USH2A: variants seen among roughly 807,000 people sequenced by gnomAD.
The protein encoded by USH2A is usherin, also known as Usher syndrome 2A (autosomal recessive, mild).
In USH2A, 443 loss-of-function variants were observed where a neutral mutation model predicts 538.9. That is an observed-to-expected ratio of 0.82 (90% CI 0.76 to 0.89). The LOEUF (loss-of-function observed/expected upper bound fraction) is 0.89. Among genes scored for constraint, USH2A ranks in the 40% least tolerant of loss-of-function variants. The pLI is 0.00. For synonymous variants in USH2A, 2,413 were observed against 2,273.5 expected (o/e 1.06, Z -1.75); for missense variants, 6,633 against 6,324.8 (o/e 1.05, Z -1.65).
At chr1:215,647,436 A>T (rs750986258) in intron 67 of USH2A, 86 bp downstream of exon 67, 1 of 1,539,324 alleles carries the variant, frequency 6.5e-7, no homozygotes, top group Non-Finnish European at 8.9e-7. Context: ...TCTGTTTTTA[A>T]AAGTGGCTTC....
intron 41 of USH2A, among the ~76,000 whole-genome samples, chr1:215,884,083 C>T (rs576299560): frequency 3.3e-5 from 5 of 151,958 alleles, no homozygotes; most frequent in Non-Finnish European, 5.9e-5. Flanking sequence ...TGGAGGGTAA[C>T]GGGAGGGAGA....
intron 37 of USH2A, among the ~76,000 whole-genome samples, chr1:215,957,156 TAGAAAC>T (rs1384524279): frequency 6.6e-6 from 1 of 152,166 alleles, no homozygotes; most frequent in South Asian, 2.1e-4. Context: ...TCCAAACAAA[TAGAAAC>T]AGAGTAATTT....
At chr1:215,667,176 C>A (rs1279664606) in intron 64 of USH2A, among the ~76,000 whole-genome samples, 1 of 152,136 alleles carries the variant, frequency 6.6e-6, no homozygotes, top group Non-Finnish European at 1.5e-5. Flanking sequence ...AGGTCCTCCA[C>A]TTGTACTGTA....
In USH2A at chr1:215,623,801, A is replaced by G. The variant is rs1250637960; in HGVS notation, c.*1980T>C. 1.3e-5 allele frequency: 2 copies of G among 152,188 alleles called. No homozygotes were observed. Among genetic ancestry groups the G allele is most frequent in the African/African-American group, 4.8e-5 (2 of 41,458 alleles). The allele number at this position is 152,188 out of a possible 1,614,324, so 9.4% of individuals were successfully genotyped here. ...ACTGTGCTTGGAAAAATACACAGTG[A>G]TAAAGATACCTGGTTAATTTTTCAA... On this transcript the variant is annotated 3_prime_UTR_variant, in exon 72 of 72. Coordinates refer to ENST00000307340, the MANE Select transcript of USH2A (RefSeq NM_206933.4).
intron 61 of USH2A, among the ~76,000 whole-genome samples, chr1:215,723,169 TTCTTCCTTA>T (rs1659711107): frequency 6.6e-6 from 1 of 152,142 alleles, no homozygotes; most frequent in African/African-American, 2.4e-5. Flanking sequence ...ATCTCCCTCT[TTCTTCCTTA>T]GAAAGACCTA....
At chr1:215,761,782 G>A (rs1011268373) in intron 56 of USH2A, among the ~76,000 whole-genome samples, 1 of 152,102 alleles carries the variant, frequency 6.6e-6, no homozygotes, top group Non-Finnish European at 1.5e-5. Context: ...GGAGAAGCCA[G>A]CAGTGAGAAA....
In USH2A at chr1:215,836,539, T is replaced by TA. The variant is rs1663527783; in HGVS notation, c.9371+1451dup. On this transcript the variant is annotated intron_variant, in intron 47 of 71. Coordinates refer to ENST00000307340, the MANE Select transcript of USH2A (RefSeq NM_206933.4). ...ATATAATATATATTATATATATATA[T>TA]ATAATATATATATATATATATATAT... Among the ~76,000 whole-genome samples, 11 of 25,982 alleles carry TA rather than the reference T, an allele frequency of 4.2e-4. 1 individual carries two copies. The highest frequency in any genetic ancestry group is 3.4e-3 in the South Asian group (2 of 596). 17.0% of individuals were successfully genotyped at this position (25,982 alleles called of 152,430 possible).
At chr1:215,879,495 A>G (rs143220484) in intron 41 of USH2A, among the ~76,000 whole-genome samples, 31 of 152,368 alleles carry the variant, frequency 2.0e-4, no homozygotes, top group African/African-American at 7.5e-4. Context: ...ATGAAACATC[A>G]GAACTCATTT....
intron 37 of USH2A, among the ~76,000 whole-genome samples, chr1:215,943,394 T>C (rs1014855799): frequency 6.6e-6 from 1 of 152,202 alleles, no homozygotes. Flanking sequence ...TCTAAATCAA[T>C]GGTATGATGA....
intron 43 of USH2A, among the ~76,000 whole-genome samples, chr1:215,875,001 C>G (rs1288223337): frequency 1.3e-5 from 2 of 152,206 alleles, no homozygotes; most frequent in Non-Finnish European, 2.9e-5. Context: ...GCTTCATCCC[C>G]CTCTGCAATT....
intron 43 of USH2A, among the ~76,000 whole-genome samples, chr1:215,872,843 G>T: frequency 6.6e-6 from 1 of 151,852 alleles, no homozygotes; most frequent in Non-Finnish European, 1.5e-5. Flanking sequence ...TAAGAGCATG[G>T]CATTCCTCCC....
At chr1:216,359,738 T>G (rs1215282196) in intron 4 of USH2A, among the ~76,000 whole-genome samples, 1 of 152,106 alleles carries the variant, frequency 6.6e-6, no homozygotes. Flanking sequence ...GTGCAAATGA[T>G]AGGATTGTGT....
chr1:215,715,693 T>TGACAGTGTTCTTAATGA (rs1659462232), intron 61 of USH2A, among the ~76,000 whole-genome samples: 1 of 152,238 alleles, frequency 6.6e-6, no homozygotes, highest in South Asian at 2.1e-4. Context: ...TATGTAATTC[T>TGACAGTGTTCTTAATGA]GACAGTGTTC....
At chr1:216,409,057 G>A (rs2039439400) in intron 3 of USH2A, among the ~76,000 whole-genome samples, 1 of 152,142 alleles carries the variant, frequency 6.6e-6, no homozygotes, top group South Asian at 2.1e-4. Context: ...GAGTACTACT[G>A]TATACTAATG....
intron 64 of USH2A, 52 bp from the exon 65 acceptor site, chr1:215,650,853 GAA>G (rs371744542): frequency 0.012 from 13,807 of 1,184,624 alleles, no homozygotes; most frequent in Middle Eastern, 0.014. Context: ...CTAAGGCTGG[GAA>G]AAAAAAAAAA....
chr1:215,848,546 C>T lies in USH2A; in HGVS notation c.8846-2513G>A, dbSNP rs9887791. On this transcript the variant is annotated intron_variant, in intron 44 of 71. Coordinates refer to ENST00000307340, the MANE Select transcript of USH2A (RefSeq NM_206933.4). ...CATTAAATGTCCTTTCTTAGCCATG[C>T]ACCGTATGCCAGTCCCTCTGAAACA... Among the ~76,000 whole-genome samples, 475 of 152,286 alleles carry T rather than the reference C, an allele frequency of 3.1e-3. 3 individuals are homozygous for T. The highest frequency in any genetic ancestry group is 0.01 in the African/African-American group (431 of 41,556).
At chr1:215,995,602 A>C (rs921634021) in intron 34 of USH2A, among the ~76,000 whole-genome samples, 1 of 152,188 alleles carries the variant, frequency 6.6e-6, no homozygotes, top group African/African-American at 2.4e-5. Flanking sequence ...ATACAGCTGA[A>C]TGCTGATTAA....
intron 15 of USH2A, among the ~76,000 whole-genome samples, chr1:216,216,428 T>C (rs1305606581): frequency 6.6e-6 from 1 of 152,098 alleles, no homozygotes; most frequent in African/African-American, 2.4e-5. Flanking sequence ...CCATTACTTA[T>C]CTTTCTCCCT....
intron 67 of USH2A, among the ~76,000 whole-genome samples, chr1:215,644,388 T>G (rs1656783038): frequency 6.6e-6 from 1 of 152,098 alleles, no homozygotes; most frequent in Non-Finnish European, 1.5e-5. Context: ...AGGTGACCAC[T>G]GGAGTTTGGC....
Sources: allele counts gnomAD v4.1 joint callset (sites outside exome capture counted in the v4.1 genomes callset), GRCh38; gene constraint gnomAD v4.1.1; transcripts MANE v1.5; gene names NCBI Gene and HGNC (gene_info 2026-07-23, HGNC 2026-07-21).